WDR70: variants seen among roughly 807,000 people sequenced by gnomAD.
WDR70 encodes WD repeat domain 70.
Under a neutral mutation model 88.6 loss-of-function variants are expected in WDR70, and 53 were observed. The ratio of observed to expected loss-of-function variants is 0.60; its 90% CI spans 0.48 to 0.75. The LOEUF is 0.75. Ranked by LOEUF, WDR70 falls within the 30% of genes least tolerant of loss-of-function variation. WDR70 has a pLI of 0.00. For missense variants in WDR70, 610 were observed against 823.2 expected, an observed-to-expected ratio of 0.74 and a Z score of 3.17; for synonymous variants, 280 against 270.0, an observed-to-expected ratio of 1.04 and a Z score of -0.36.
At chr5:37,635,469 CA>C (rs1329872481) in intron 10 of WDR70, among the ~76,000 whole-genome samples, 3 of 152,130 alleles carry the variant, frequency 2.0e-5, no homozygotes, top group African/African-American at 7.2e-5. Flanking sequence ...CCTCCAGCTT[CA>C]AAAATTCTTT....
At chr5:37,558,200 G>A (rs1561900917) in intron 9 of WDR70, among the ~76,000 whole-genome samples, 1 of 151,922 alleles carries the variant, frequency 6.6e-6, no homozygotes. Context: ...ATTTGTTTAG[G>A]AATACTGATA....
At chr5:37,619,917 G>GTTTTTTTT (rs35802405) in intron 10 of WDR70, 1 of 120,090 alleles carries the variant, frequency 8.3e-6, no homozygotes, top group South Asian at 2.8e-4. Context: ...TATTTACCAG[G>GTTTTTTTT]TTTTTTTTTT....
intron 13 of WDR70, among the ~76,000 whole-genome samples, chr5:37,709,653 A>G (rs1166765711): frequency 6.6e-6 from 1 of 152,198 alleles, no homozygotes; most frequent in Non-Finnish European, 1.5e-5. Flanking sequence ...TCCAGGGTCA[A>G]GAGCCAACTT....
intron 7 of WDR70, among the ~76,000 whole-genome samples, chr5:37,474,515 A>G (rs1308573782): frequency 2.0e-5 from 3 of 152,116 alleles, no homozygotes; most frequent in Non-Finnish European, 4.4e-5. Flanking sequence ...ACTTAGAATT[A>G]TTGTATCTGC....
intron 10 of WDR70, among the ~76,000 whole-genome samples, chr5:37,650,357 C>T (rs1365641975): frequency 4.6e-5 from 7 of 151,750 alleles, no homozygotes; most frequent in South Asian, 4.2e-4. Context: ...GCCGAGATCA[C>T]GCTACTGCAC....
chr5:37,680,158 C>CT (rs35533012), intron 10 of WDR70, among the ~76,000 whole-genome samples: 2,454 of 146,870 alleles, frequency 0.017, 65 homozygotes, highest in African/African-American at 0.056. Flanking sequence ...TGATGTTGAG[C>CT]TTTTTTTTTT....
intron 17 of WDR70, among the ~76,000 whole-genome samples, chr5:37,729,233 C>A (rs758575285): frequency 2.6e-5 from 4 of 152,146 alleles, no homozygotes; most frequent in Non-Finnish European, 5.9e-5. Flanking sequence ...GCCGTGGCTC[C>A]TTTTGTTGGA....
intron 3 of WDR70, among the ~76,000 whole-genome samples, chr5:37,390,484 C>T (rs1192171240): frequency 2.6e-5 from 4 of 151,566 alleles, no homozygotes; most frequent in Non-Finnish European, 4.4e-5. Flanking sequence ...GGACTACAGG[C>T]GCCGGCCACT....
At chr5:37,508,861 C>T (rs544559415) in intron 8 of WDR70, among the ~76,000 whole-genome samples, 5 of 152,186 alleles carry the variant, frequency 3.3e-5, no homozygotes, top group South Asian at 4.2e-4. Context: ...AGTAATGTTA[C>T]GTCTTCCTCA....
intron 10 of WDR70, among the ~76,000 whole-genome samples, chr5:37,621,370 T>A (rs1364089009): frequency 6.6e-6 from 1 of 152,154 alleles, no homozygotes; most frequent in East Asian, 1.9e-4. Context: ...GTCGTTGATA[T>A]TTAGTGTATT....
At chr5:37,424,815 C>CTTT (rs1454008317) in intron 5 of WDR70, among the ~76,000 whole-genome samples, 2 of 152,110 alleles carry the variant, frequency 1.3e-5, no homozygotes, top group Non-Finnish European at 1.5e-5. Context: ...TTTTTTCCAG[C>CTTT]TTTTTGTCAA....
chr5:37,509,782 A>G (rs1315758172), intron 8 of WDR70, among the ~76,000 whole-genome samples: 2 of 147,882 alleles, frequency 1.4e-5, no homozygotes, highest in African/African-American at 5.0e-5. Context: ...GAGCAGCCCT[A>G]TAGATTCTTT....
chr5:37,545,958 CA>C (rs1419487571), intron 9 of WDR70, among the ~76,000 whole-genome samples: 1 of 151,936 alleles, frequency 6.6e-6, no homozygotes, highest in Non-Finnish European at 1.5e-5. Context: ...TATAATATCT[CA>C]AAAAAGTATA....
rs532643238 is a variant in WDR70, at chr5:37,486,790, A to G, written c.840+6803A>G. ...GTGTCTTCTTTTGAAGTGTCTGTTT[A>G]TGTTCTTTGCCCACTTTCTAATGAG... On this transcript the variant is annotated intron_variant, in intron 8 of 17. Transcript: ENST00000265107. Among the ~76,000 whole-genome samples the G allele has an allele frequency of 1.9e-4, 27 of 144,668 alleles. 2 individuals are homozygous for G. Among genetic ancestry groups the G allele is most frequent in the African/African-American group, 6.9e-4 (27 of 39,306 alleles). The allele number at this position is 144,668 out of a possible 152,430, so 94.9% of individuals were successfully genotyped here. A position where few individuals can be genotyped will look rare whatever the true frequency, so the allele number is the denominator to read the frequency against.
intron 5 of WDR70, among the ~76,000 whole-genome samples, chr5:37,435,034 G>A (rs1454426462): frequency 6.6e-6 from 1 of 152,032 alleles, no homozygotes; most frequent in Non-Finnish European, 1.5e-5. Flanking sequence ...CAATTATATG[G>A]GATTTTTATG....
chr5:37,574,367 C>G (rs891916952), intron 9 of WDR70, among the ~76,000 whole-genome samples: 3 of 152,164 alleles, frequency 2.0e-5, no homozygotes, highest in African/African-American at 7.2e-5. Context: ...GAAAGGACAT[C>G]CTAGCAGCAT....
chr5:37,665,753 A>C (rs930240910), intron 10 of WDR70, among the ~76,000 whole-genome samples: 3 of 152,208 alleles, frequency 2.0e-5, no homozygotes, highest in African/African-American at 7.2e-5. Context: ...AGTGTATTTG[A>C]AATCTCCCTG....
intron 10 of WDR70, among the ~76,000 whole-genome samples, chr5:37,623,687 G>C (rs1307988325): frequency 1.3e-5 from 2 of 151,968 alleles, no homozygotes; most frequent in East Asian, 3.9e-4. Context: ...GGGTGGTTCT[G>C]GTATGATAAA....
intron 5 of WDR70, among the ~76,000 whole-genome samples, chr5:37,430,874 G>GT (rs1221095312): frequency 6.0e-5 from 9 of 151,198 alleles, no homozygotes; most frequent in Admixed American, 2.6e-4. Context: ...TATGTATACA[G>GT]TTTTTTTTTC....
Sources: gnomAD v4.1 joint callset for allele counts (sites outside exome capture counted in the v4.1 genomes callset) on GRCh38, gnomAD v4.1.1 for gene constraint, MANE v1.5 for transcripts, NCBI Gene and HGNC (gene_info 2026-07-23, HGNC 2026-07-21) for gene names.